Variants in KCNB2 observed in about 807,000 individuals in gnomAD.
The protein encoded by KCNB2 is delayed rectifier potassium channel protein.
Under a neutral mutation model 61.5 loss-of-function variants are expected in KCNB2, and 15 were observed. The ratio of observed to expected loss-of-function variants is 0.24; its 90% CI spans 0.16 to 0.38. The LOEUF (loss-of-function observed/expected upper bound fraction) is 0.38. KCNB2 is among the 10% of genes least tolerant of loss of function. The pLI, the probability that KCNB2 is intolerant of heterozygous loss-of-function variation, is 1.00. For synonymous variants in KCNB2, 457 were observed against 446.0 expected, an observed-to-expected ratio of 1.02 and a Z score of -0.31; for missense variants, 828 against 1,125.2, an observed-to-expected ratio of 0.74 and a Z score of 3.78.
At chr8:72,788,484 CT>C (rs1242365247) in intron 2 of KCNB2, among the ~76,000 whole-genome samples, 1 of 152,110 alleles carries the variant, frequency 6.6e-6, no homozygotes, top group Non-Finnish European at 1.5e-5. Flanking sequence ...TAATTACCCC[CT>C]GAAAGGCCAT....
chr8:72,779,802 T>A (rs1808723965), intron 2 of KCNB2, among the ~76,000 whole-genome samples: 1 of 152,218 alleles, frequency 6.6e-6, no homozygotes. Context: ...AATATTATTC[T>A]CAGCTCAGCA....
At chr8:72,631,033 A>G (rs1311515392) in intron 2 of KCNB2, among the ~76,000 whole-genome samples, 1 of 152,186 alleles carries the variant, frequency 6.6e-6, no homozygotes, top group Admixed American at 6.5e-5. Context: ...ACCTATGATA[A>G]AGTTTAATTG....
At chr8:72,898,133 C>T (rs149289678) in intron 2 of KCNB2, among the ~76,000 whole-genome samples, 11 of 152,124 alleles carry the variant, frequency 7.2e-5, no homozygotes, top group South Asian at 6.2e-4. Flanking sequence ...CAGGAGGATT[C>T]GCATGTCTAA....
intron 2 of KCNB2, among the ~76,000 whole-genome samples, chr8:72,685,421 A>G (rs1467846375): frequency 6.6e-6 from 1 of 152,102 alleles, no homozygotes; most frequent in African/African-American, 2.4e-5. Flanking sequence ...CTTGTCCTAG[A>G]AGCTAGATGT....
chr8:72,744,831 C>A (rs1808030313), intron 2 of KCNB2, among the ~76,000 whole-genome samples: 1 of 152,148 alleles, frequency 6.6e-6, no homozygotes, highest in South Asian at 2.1e-4. Context: ...GGCACAATGA[C>A]AAGAAAAAGC....
intron 2 of KCNB2, among the ~76,000 whole-genome samples, chr8:72,733,863 G>A (rs999134679): frequency 6.6e-6 from 1 of 152,126 alleles, no homozygotes; most frequent in African/African-American, 2.4e-5. Flanking sequence ...CAGGGTGGTT[G>A]GAGGGGGAAG....
intron 2 of KCNB2, among the ~76,000 whole-genome samples, chr8:72,869,121 G>C (rs1450277814): frequency 6.6e-6 from 1 of 152,210 alleles, no homozygotes; most frequent in African/African-American, 2.4e-5. Flanking sequence ...ATCTAGCTCA[G>C]GAAGCTGCAC....
intron 2 of KCNB2, among the ~76,000 whole-genome samples, chr8:72,647,826 G>A (rs1806154208): frequency 6.6e-6 from 1 of 152,096 alleles, no homozygotes; most frequent in Non-Finnish European, 1.5e-5. Context: ...CACCAGGACT[G>A]GGAAACAGAG....
At chr8:72,926,883 G>C (rs1806660859) in intron 2 of KCNB2, among the ~76,000 whole-genome samples, 1 of 152,190 alleles carries the variant, frequency 6.6e-6, no homozygotes, top group Admixed American at 6.5e-5. Flanking sequence ...ATGCATTACA[G>C]TCAGTAATCT....
At chr8:72,795,726 A>T (rs563371763) in intron 2 of KCNB2, among the ~76,000 whole-genome samples, 1 of 152,328 alleles carries the variant, frequency 6.6e-6, no homozygotes, top group South Asian at 2.1e-4. Context: ...GAGCTGAGAC[A>T]TTGTAAAATT....
At chr8:72,723,357 A>G (rs984638535) in intron 2 of KCNB2, among the ~76,000 whole-genome samples, 2 of 152,320 alleles carry the variant, frequency 1.3e-5, no homozygotes, top group Admixed American at 1.3e-4. Context: ...AAAGAAACTA[A>G]AATTCTTAAT....
At chr8:72,544,244 A>C (rs1232660534) in intron 1 of KCNB2, among the ~76,000 whole-genome samples, 1 of 152,236 alleles carries the variant, frequency 6.6e-6, no homozygotes, top group East Asian at 1.9e-4. Context: ...ACTGAAGGTC[A>C]GCATTGGCAG....
chr8:72,644,092 G>C (rs761995516), intron 2 of KCNB2, among the ~76,000 whole-genome samples: 9 of 152,026 alleles, frequency 5.9e-5, no homozygotes, highest in Non-Finnish European at 5.9e-5. Flanking sequence ...ACCTAAATCT[G>C]TACATAAAAT....
Position 72,936,848 on chromosome 8 carries a change from C to T in KCNB2, c.1493C>T (p.Ala498Val), listed in dbSNP as rs1173383102. ...SPSRWKWARK[A>V]LSETSSNKSF... ...AGCCGGTGGAAGTGGGCCAGGAAGGCTCTGTCGGAAACAAGCTCCAACAAG... is the reference window on the plus strand; with the variant it reads ...AGCCGGTGGAAGTGGGCCAGGAAGGTTCTGTCGGAAACAAGCTCCAACAAG... The change falls in exon 3 of 3, where the codon GCT becomes GTT. Residue 498 changes from alanine to valine, a missense_variant. By Grantham distance (64) the Ala-to-Val change is moderately conservative. Transcript: ENST00000523207. This position sits in a 1 kb window ranked among gnomAD's most constrained non-coding sequence, Gnocchi z 5.6. 1 of 1,613,962 alleles carries T rather than the reference C, an allele frequency of 6.2e-7. No homozygotes were observed. The highest frequency in any genetic ancestry group is 8.5e-7 in the Non-Finnish European group (1 of 1,180,026).
intron 2 of KCNB2, among the ~76,000 whole-genome samples, chr8:72,820,516 A>G (rs1809479608): frequency 6.6e-6 from 1 of 151,946 alleles, no homozygotes; most frequent in African/African-American, 2.4e-5. Context: ...ACATAGTTAC[A>G]TTGCCTTTAT....
intron 2 of KCNB2, among the ~76,000 whole-genome samples, chr8:72,653,892 A>G (rs1172307079): frequency 1.3e-5 from 2 of 152,210 alleles, no homozygotes; most frequent in Non-Finnish European, 2.9e-5. Flanking sequence ...TGGTTTTAGG[A>G]TTGACACTGA....
At chr8:72,546,181 T>C (rs1430740007) in intron 1 of KCNB2, among the ~76,000 whole-genome samples, 1 of 49,618 alleles carries the variant, frequency 2.0e-5, no homozygotes, top group African/African-American at 1.4e-4. Flanking sequence ...CAGAGGTTGG[T>C]TCACAGGTTT....
chr8:72,555,930 T>C (rs1806419185), intron 1 of KCNB2, among the ~76,000 whole-genome samples: 1 of 152,102 alleles, frequency 6.6e-6, no homozygotes, highest in Non-Finnish European at 1.5e-5. Flanking sequence ...TTAACCACAC[T>C]ACTCCTTTCA....
At chr8:72,728,310 A>G (rs1004535402) in intron 2 of KCNB2, among the ~76,000 whole-genome samples, 1 of 152,206 alleles carries the variant, frequency 6.6e-6, no homozygotes, top group South Asian at 2.1e-4. Context: ...CTGGTTAGGT[A>G]TGGCACTCAG....
Sources: allele counts gnomAD v4.1 joint callset (sites outside exome capture counted in the v4.1 genomes callset), GRCh38; gene constraint gnomAD v4.1.1; non-coding constraint Gnocchi (gnomAD v3.1); transcripts MANE v1.5; gene names NCBI Gene and HGNC (gene_info 2026-07-23, HGNC 2026-07-21).